Variants in P2RX4 observed in about 807,000 individuals in gnomAD.
P2RX4 encodes purinergic receptor P2X 4, also known as P2X purinoceptor 4.
Under a neutral mutation model 48.0 loss-of-function variants are expected in P2RX4, and 37 were observed. That is an observed-to-expected ratio of 0.77 (90% CI 0.59 to 1.01). The LOEUF (loss-of-function observed/expected upper bound fraction) is 1.01. Ranked by LOEUF, P2RX4 falls within the 50% of genes least tolerant of loss-of-function variation. The pLI is 0.00. For missense variants in P2RX4, 501 were observed against 521.4 expected, an observed-to-expected ratio of 0.96 and a Z score of 0.38; for synonymous variants, 200 against 199.7, an observed-to-expected ratio of 1.00 and a Z score of -0.01.
intron 4 of P2RX4, chr12:121,222,420 T>G (rs997231839): frequency 7.5e-6 from 4 of 531,698 alleles, no homozygotes; most frequent in African/African-American, 5.7e-5. Flanking sequence ...GTTTTGTTTT[T>G]TTGTTTTTTT....
chr12:121,219,577 GTGGATGGA>G (rs767985861), intron 2 of P2RX4, among the ~76,000 whole-genome samples: 3 of 139,718 alleles, frequency 2.1e-5, no homozygotes, highest in South Asian at 2.4e-4. Context: ...TGGATGGGTG[GTGGATGGA>G]TGGATGGATG....
Position 121,222,128 on chromosome 12 carries a change from C to T in P2RX4, c.389C>T (p.Ala130Val). 6.2e-7 allele frequency: 1 copy of T among 1,613,830 alleles called. No homozygotes were observed. ...PDATTVCKSD[A>V]SCTAGSAGTH... is the part of the protein sequence containing the mutation. ...GCGACCACTGTGTGTAAATCAGATG[C>T]CAGCTGTACTGCCGGCTCTGCCGGC... The change falls in exon 4 of 12, where the codon GCC (alanine) becomes GTC (valine). Residue 130 changes from alanine to valine, a missense_variant. By Grantham distance (64) the Ala-to-Val change is moderately conservative (BLOSUM62 0). This residue lies in a region of P2RX4 where 295 missense variants were observed against 275.3 expected (regional missense o/e 1.07). Transcript: ENST00000337233.
In P2RX4 at chr12:121,229,328, AG is replaced by A. The variant is rs1210223638; in HGVS notation, c.884+230del. On this transcript the variant is annotated intron_variant, in intron 8 of 11. Transcript: ENST00000337233. The surrounding 1 kb of genome is among the most constrained non-coding windows in gnomAD (Gnocchi z 4.6). Reference sequence around the variant, plus strand: ...CCCCTCCTTGCCCTTTCCTGCCGCAAGAAACATGTTGAGATGGTTCTTAGAG... The same window carrying A: ...CCCCTCCTTGCCCTTTCCTGCCGCAAAAACATGTTGAGATGGTTCTTAGAG... Among the ~76,000 whole-genome samples the A allele has an allele frequency of 6.6e-6, 1 of 152,070 alleles. No homozygotes were observed. The highest frequency in any genetic ancestry group is 1.5e-5 in the Non-Finnish European group (1 of 68,008).
chr12:121,230,047 A>C (rs1193420960), intron 8 of P2RX4, among the ~76,000 whole-genome samples: 1 of 152,230 alleles, frequency 6.6e-6, no homozygotes, highest in Non-Finnish European at 1.5e-5. Context: ...TCTCATGATC[A>C]GAATCTATAG....
intron 2 of P2RX4, among the ~76,000 whole-genome samples, chr12:121,217,810 A>T (rs1886335530): frequency 6.6e-6 from 1 of 151,794 alleles, no homozygotes; most frequent in Non-Finnish European, 1.5e-5. Context: ...AGACCATTAG[A>T]GACCAAAACC....
intron 2 of P2RX4, among the ~76,000 whole-genome samples, chr12:121,221,358 A>G (rs1886597806): frequency 1.3e-5 from 2 of 149,060 alleles, no homozygotes; most frequent in Admixed American, 1.3e-4. Flanking sequence ...ACATTCCATC[A>G]TGTGACTAGA....
At chr12:121,222,262 A>C in intron 4 of P2RX4, 96 bp downstream of exon 4, 1 of 904,620 alleles carries the variant, frequency 1.1e-6, no homozygotes, top group Non-Finnish European at 1.8e-6. Context: ...ATTCCTTCAC[A>C]TGACCCTGGG....
chr12:121,212,812 A>T (rs1454455800), intron 1 of P2RX4: 23 of 33,000 alleles, frequency 7.0e-4, no homozygotes, highest in African/African-American at 3.0e-3. Flanking sequence ...ATATATATAT[A>T]TATATATATA....
Position 121,217,185 on chromosome 12 carries a change from C to T in P2RX4, c.186C>T (p.Ser62=). The T allele has an allele frequency of 6.2e-7, 1 of 1,614,148 alleles. No individual in the cohort carries two copies. The highest frequency in any genetic ancestry group is 8.5e-7 in the Non-Finnish European group (1 of 1,179,966). The change falls in exon 2 of 12, where the codon AGC becomes AGT. Residue 62 remains serine (S), a synonymous_variant. Coordinates refer to ENST00000337233, the MANE Select transcript of P2RX4 (RefSeq NM_002560.3). ...KGYQETDSVV[S]SVTTKVKGVA... is the part of the protein sequence containing the mutation. ...ACCAGGAAACTGACTCCGTGGTCAGCTCCGTTACGACCAAGGTCAAGGGCG... is the reference window on the plus strand; with the variant it reads ...ACCAGGAAACTGACTCCGTGGTCAGTTCCGTTACGACCAAGGTCAAGGGCG...
intron 5 of P2RX4, 86 bp from the exon 6 acceptor site, chr12:121,228,447 A>G: frequency 1.5e-6 from 1 of 666,502 alleles, no homozygotes; most frequent in Non-Finnish European, 2.6e-6. Context: ...ATACATATAT[A>G]TATGTGTGTA....
intron 4 of P2RX4, chr12:121,222,479 C>G (rs1886698816): frequency 2.2e-6 from 1 of 460,300 alleles, no homozygotes; most frequent in Non-Finnish European, 4.0e-6. Flanking sequence ...ATGGCATGAT[C>G]TCGGCTCACT....
rs1885703600 is a variant in P2RX4 at position 121,210,138 on chromosome 12, A to G, written c.-27A>G. On this transcript the variant is annotated 5_prime_UTR_variant, in exon 1 of 12. Coordinates refer to ENST00000337233, the MANE Select transcript of P2RX4 (RefSeq NM_002560.3). Reference sequence around the variant, plus strand: ...GCGGGGACTGGGACCCAGACCGACTAGGGGACTGGGAGCGGGCGGCGCGGC... The same window carrying G: ...GCGGGGACTGGGACCCAGACCGACTGGGGGACTGGGAGCGGGCGGCGCGGC... 6.6e-7 allele frequency: 1 copy of G among 1,509,744 alleles called. No homozygotes were observed. Among genetic ancestry groups the G allele is most frequent in the Non-Finnish European group, 8.8e-7 (1 of 1,135,744 alleles). The allele number at this position is 1,509,744 out of a possible 1,614,324, so 93.5% of individuals were successfully genotyped here. A position where few individuals can be genotyped will look rare whatever the true frequency, so the allele number is the denominator to read the frequency against.
At chr12:121,228,244 T>G in intron 5 of P2RX4, among the ~76,000 whole-genome samples, 1 of 151,136 alleles carries the variant, frequency 6.6e-6, no homozygotes, top group Non-Finnish European at 1.5e-5. Flanking sequence ...ACAAAAAAAG[T>G]TAACCAGGCA....
intron 3 of P2RX4, 47 bp downstream of exon 3, chr12:121,222,031 G>A (rs376702731): frequency 8.1e-6 from 13 of 1,595,850 alleles, no homozygotes; most frequent in African/African-American, 1.3e-5. Flanking sequence ...CCCTCTCCAC[G>A]CCTGTCCACC....
intron 4 of P2RX4, 177 bp downstream of exon 4, chr12:121,222,343 C>A: frequency 1.7e-6 from 1 of 602,584 alleles, no homozygotes; most frequent in Non-Finnish European, 3.0e-6. Flanking sequence ...CCCCACAAGC[C>A]ATCCCAGCTC....
chr12:121,223,762 GAGAATCTCGTGCCAGGCTGAGGCAGA>G (rs1886802314), intron 5 of P2RX4, among the ~76,000 whole-genome samples: 1 of 152,236 alleles, frequency 6.6e-6, no homozygotes, highest in Admixed American at 6.5e-5. Context: ...GCGTGGCCAG[GAGAATCTCGTGCCAGGCTGAGGCAGA>G]AGAATCTCTT....
chr12:121,212,053 G>A (rs761069595), intron 1 of P2RX4, among the ~76,000 whole-genome samples: 44 of 152,184 alleles, frequency 2.9e-4, no homozygotes, highest in Admixed American at 1.6e-3. Flanking sequence ...GCAACGTTTC[G>A]GAACCAATGA....
At chr12:121,211,481 G>A (rs1331539679) in intron 1 of P2RX4, among the ~76,000 whole-genome samples, 1 of 152,088 alleles carries the variant, frequency 6.6e-6, no homozygotes, top group Non-Finnish European at 1.5e-5. Flanking sequence ...GAGCCCCCAC[G>A]CGGGGCTGGC....
intron 1 of P2RX4, chr12:121,216,049 C>T (rs1024541645): frequency 6.6e-6 from 1 of 152,144 alleles, no homozygotes; most frequent in Admixed American, 6.6e-5. Context: ...TTATCTTGGG[C>T]CACACATTAA....
Sources: allele counts gnomAD v4.1 joint callset (sites outside exome capture counted in the v4.1 genomes callset), GRCh38; gene constraint gnomAD v4.1.1; regional missense constraint gnomAD v4.1.1; non-coding constraint Gnocchi (gnomAD v3.1); transcripts MANE v1.5; gene names NCBI Gene and HGNC (gene_info 2026-07-23, HGNC 2026-07-21).